The following PLXDC2 variants were observed in gnomAD, a reference collection of about 807,000 sequenced individuals.
The protein encoded by PLXDC2 is plexin domain containing 2.
Under a neutral mutation model 68.9 loss-of-function variants are expected in PLXDC2, and 40 were observed. The ratio of observed to expected loss-of-function variants is 0.58; its 90% CI spans 0.45 to 0.76. The LOEUF is 0.76. PLXDC2 is among the 30% of genes least tolerant of loss of function. The pLI is 0.00. For synonymous variants in PLXDC2, 243 were observed against 234.2 expected (o/e 1.04, Z -0.34); for missense variants, 644 against 661.9 (o/e 0.97, Z 0.30).
At chr10:19,955,045 A>C (rs1268058152) in intron 1 of PLXDC2, among the ~76,000 whole-genome samples, 2 of 139,556 alleles carry the variant, frequency 1.4e-5, no homozygotes, top group Admixed American at 7.1e-5. Context: ...CTTGTTGCCT[A>C]TAGTTGTTTC....
At chr10:20,201,092 C>G (rs1031436380) in intron 9 of PLXDC2, among the ~76,000 whole-genome samples, 1 of 152,122 alleles carries the variant, frequency 6.6e-6, no homozygotes, top group Admixed American at 6.6e-5. Context: ...TTTACTGCAG[C>G]ACTGTTCACA....
In PLXDC2 at chr10:20,163,977, A is replaced by G. The variant is rs147309033; in HGVS notation, c.784-491A>G. On this transcript the variant is annotated intron_variant, in intron 6 of 13. Transcript: ENST00000377252. ...TATTAATCAACAATGATATTGTCAA[A>G]TGTATATTTAACAGTGCATTTATTT... Among the ~76,000 whole-genome samples, 94 of 152,318 alleles carry G rather than the reference A, an allele frequency of 6.2e-4. 2 individuals carry two copies. In the East Asian group the frequency reaches 0.018, roughly 29 times the overall value.
chr10:20,145,902 T>C (rs1275782798), intron 5 of PLXDC2, among the ~76,000 whole-genome samples: 1 of 152,156 alleles, frequency 6.6e-6, no homozygotes, highest in Non-Finnish European at 1.5e-5. Context: ...TAGGAATCCC[T>C]TCCTCAGAAT....
intron 1 of PLXDC2, among the ~76,000 whole-genome samples, chr10:19,949,614 C>G (rs1833961647): frequency 6.6e-6 from 1 of 152,140 alleles, no homozygotes; most frequent in Non-Finnish European, 1.5e-5. Context: ...AAGAAATATT[C>G]ATTCCTTAAT....
Position 20,127,818 on chromosome 10 carries a change from C to T in PLXDC2, c.542-15477C>T, listed in dbSNP as rs370534533. 3.3e-5 allele frequency among the ~76,000 whole-genome samples: 5 copies of T among 152,138 alleles called. No homozygotes were observed. The South Asian group carries it at 8.3e-4, about 25-fold the overall frequency. ...CAGCCTAGGCAACATAGCAAGACCC[C>T]ATCTCTTAAACAAAAGGAAGGGAAA... is the stretch of plus-strand genomic sequence containing the variant. On this transcript the variant is annotated intron_variant, in intron 4 of 13. Transcript: ENST00000377252.
intron 9 of PLXDC2, among the ~76,000 whole-genome samples, chr10:20,205,807 T>C (rs1477255585): frequency 6.6e-6 from 1 of 152,076 alleles, no homozygotes; most frequent in Non-Finnish European, 1.5e-5. Context: ...ATCTTACAGA[T>C]GAGGAAACAG....
chr10:20,068,563 CTGCTGGTGATCTTAAATTTTCTTTTAA>C (rs1349086465), intron 4 of PLXDC2, among the ~76,000 whole-genome samples: 2 of 149,662 alleles, frequency 1.3e-5, no homozygotes, highest in Non-Finnish European at 3.0e-5. Flanking sequence ...CTTAATGAAA[CTGCTGGTGATCTTAAATTTTCTTTTAA>C]TGTATATAGT....
intron 12 of PLXDC2, among the ~76,000 whole-genome samples, chr10:20,237,893 G>A (rs1485333992): frequency 6.6e-6 from 1 of 152,044 alleles, no homozygotes; most frequent in East Asian, 1.9e-4. Context: ...GTTCTAAAGT[G>A]AATAAAATTT....
intron 4 of PLXDC2, among the ~76,000 whole-genome samples, chr10:20,102,267 C>T (rs950725412): frequency 6.6e-6 from 1 of 152,228 alleles, no homozygotes; most frequent in Non-Finnish European, 1.5e-5. Flanking sequence ...GCCTAGACAA[C>T]ATCTTACATA....
intron 1 of PLXDC2, among the ~76,000 whole-genome samples, chr10:19,985,918 G>T (rs1410475405): frequency 6.6e-6 from 1 of 152,104 alleles, no homozygotes; most frequent in Non-Finnish European, 1.5e-5. Flanking sequence ...CCCTCCTTGT[G>T]TCAGACCACT....
intron 9 of PLXDC2, among the ~76,000 whole-genome samples, chr10:20,181,337 T>G (rs1359377807): frequency 6.6e-6 from 1 of 151,982 alleles, no homozygotes; most frequent in Non-Finnish European, 1.5e-5. Flanking sequence ...AACACTGAGG[T>G]AGTTAGAGCT....
intron 3 of PLXDC2, among the ~76,000 whole-genome samples, chr10:20,050,855 A>G (rs1371763159): frequency 6.6e-6 from 1 of 152,116 alleles, no homozygotes; most frequent in African/African-American, 2.4e-5. Context: ...GGACAGAAAT[A>G]CCATTCAACC....
At chr10:19,881,556 A>G (rs1403354131) in intron 1 of PLXDC2, among the ~76,000 whole-genome samples, 1 of 152,158 alleles carries the variant, frequency 6.6e-6, no homozygotes, top group Non-Finnish European at 1.5e-5. Flanking sequence ...TGGAATATCT[A>G]CTAGATTTAC....
In PLXDC2 at chr10:20,021,994, G is replaced by A. The variant is rs563710058; in HGVS notation, c.324+20008G>A. On this transcript the variant is annotated intron_variant, in intron 2 of 13. Transcript: ENST00000377252. ...TTACAGGCGTGAGCCACCACGCCCA[G>A]CTCACATTTTATTTTGTAGACATCT... Among the ~76,000 whole-genome samples, 10 of 152,286 alleles carry A rather than the reference G, an allele frequency of 6.6e-5. No individual in the cohort carries two copies. In the South Asian group the frequency reaches 2.1e-3, roughly 32 times the overall value.
At chr10:19,847,425 T>C (rs1837028671) in intron 1 of PLXDC2, among the ~76,000 whole-genome samples, 2 of 152,140 alleles carry the variant, frequency 1.3e-5, no homozygotes, top group African/African-American at 4.8e-5. Flanking sequence ...CATAAGTCAT[T>C]ATCTGTGGTG....
At chr10:19,886,771 C>T (rs974096567) in intron 1 of PLXDC2, among the ~76,000 whole-genome samples, 1 of 152,092 alleles carries the variant, frequency 6.6e-6, no homozygotes, top group African/African-American at 2.4e-5. Context: ...GAAGTTCTGG[C>T]CAGGGCAATA....
intron 4 of PLXDC2, among the ~76,000 whole-genome samples, chr10:20,112,205 G>T (rs1833568712): frequency 6.6e-6 from 1 of 152,046 alleles, no homozygotes; most frequent in Non-Finnish European, 1.5e-5. Flanking sequence ...ATAAATTTCT[G>T]TTGTTTAAGC....
chr10:20,121,037 T>G (rs1008367676), intron 4 of PLXDC2, among the ~76,000 whole-genome samples: 1 of 152,106 alleles, frequency 6.6e-6, no homozygotes, highest in African/African-American at 2.4e-5. Context: ...TCAGGAATAA[T>G]GTGGGAGGCC....
At chr10:20,275,192 T>G (rs1299548198) in intron 13 of PLXDC2, among the ~76,000 whole-genome samples, 1 of 149,840 alleles carries the variant, frequency 6.7e-6, no homozygotes, top group Non-Finnish European at 1.5e-5. Flanking sequence ...AAGCCTGAGG[T>G]TCAATATTTT....
Sources: allele counts gnomAD v4.1 joint callset (sites outside exome capture counted in the v4.1 genomes callset), GRCh38; gene constraint gnomAD v4.1.1; transcripts MANE v1.5; gene names NCBI Gene and HGNC (gene_info 2026-07-23, HGNC 2026-07-21).